Variants in SUPT3H observed in about 807,000 individuals in gnomAD.
SUPT3H encodes the protein SPT3 homolog, SAGA and STAGA complex component.
In SUPT3H, 44 loss-of-function variants were observed where a neutral mutation model predicts 44.3. The observed-to-expected ratio is 0.99, with a 90% CI of 0.78 to 1.28. The LOEUF is 1.28. SUPT3H is among the 50% of genes most tolerant of loss of function. SUPT3H has a pLI of 0.00. For missense variants in SUPT3H, 380 were observed against 387.1 expected, an observed-to-expected ratio of 0.98 and a Z score of 0.15; for synonymous variants, 124 against 125.6, an observed-to-expected ratio of 0.99 and a Z score of 0.09.
intron 3 of SUPT3H, among the ~76,000 whole-genome samples, chr6:45,091,286 T>C (rs1329614354): frequency 6.6e-6 from 1 of 152,032 alleles, no homozygotes; most frequent in African/African-American, 2.4e-5. Flanking sequence ...AAAAGAAGAT[T>C]GTGCTTACCT....
At chr6:44,820,081 T>C (rs1188057989) in intron 11 of SUPT3H, among the ~76,000 whole-genome samples, 2 of 151,550 alleles carry the variant, frequency 1.3e-5, no homozygotes, top group Non-Finnish European at 2.9e-5. Flanking sequence ...TAGCCGGGCA[T>C]GGTGGCATGC....
chr6:45,355,154 T>A (rs13191493), intron 2 of SUPT3H, among the ~76,000 whole-genome samples: 1 of 150,346 alleles, frequency 6.7e-6, no homozygotes. Context: ...TTTTTTTTTT[T>A]AGAGATGGGG....
At chr6:45,061,145 G>A (rs961388090) in intron 3 of SUPT3H, among the ~76,000 whole-genome samples, 7 of 152,096 alleles carry the variant, frequency 4.6e-5, no homozygotes, top group African/African-American at 1.7e-4. Context: ...ATACATGCAT[G>A]TTTATGTTCA....
intron 3 of SUPT3H, among the ~76,000 whole-genome samples, chr6:45,100,859 A>C (rs535806787): frequency 6.6e-6 from 1 of 152,320 alleles, no homozygotes; most frequent in South Asian, 2.1e-4. Flanking sequence ...CCACATACAA[A>C]GGAAAACAGT....
At chr6:45,042,151 G>T (rs546119949) in intron 3 of SUPT3H, among the ~76,000 whole-genome samples, 1 of 152,234 alleles carries the variant, frequency 6.6e-6, no homozygotes, top group East Asian at 1.9e-4. Context: ...GGCTGGGCGT[G>T]GTGGCTCACA....
chr6:45,120,078 A>G (rs1246539684), intron 2 of SUPT3H, among the ~76,000 whole-genome samples: 1 of 152,112 alleles, frequency 6.6e-6, no homozygotes, highest in Non-Finnish European at 1.5e-5. Context: ...CAAGACTTGA[A>G]GAGGTTAACT....
intron 2 of SUPT3H, among the ~76,000 whole-genome samples, chr6:45,229,188 TTTTTAA>T (rs1156411915): frequency 3.9e-5 from 6 of 152,108 alleles, no homozygotes; most frequent in South Asian, 2.1e-4. Flanking sequence ...TGGTTTGGGT[TTTTTAA>T]TTTTATTTTT....
chr6:44,868,846 G>C (rs925638545), intron 10 of SUPT3H, among the ~76,000 whole-genome samples: 1 of 152,174 alleles, frequency 6.6e-6, no homozygotes, highest in African/African-American at 2.4e-5. Context: ...CACAACTGCA[G>C]ACCTCCTGCT....
At chr6:45,160,254 T>G (rs1808716496) in intron 2 of SUPT3H, among the ~76,000 whole-genome samples, 1 of 152,182 alleles carries the variant, frequency 6.6e-6, no homozygotes, top group Non-Finnish European at 1.5e-5. Context: ...GAGGCAGGTC[T>G]TCAAACAAGG....
Position 44,882,955 on chromosome 6 carries a change from A to AT in SUPT3H, c.912+49697dup, listed in dbSNP as rs1298450250. On this transcript the variant is annotated intron_variant, in intron 10 of 10. Transcript: ENST00000371459. ...TACTGAATAGGCAAAAGCTGGAAGC[A>AT]TTCCTTCTTAAAACCAGTGCAAGAC... is the stretch of plus-strand genomic sequence containing the variant. Among the ~76,000 whole-genome samples, 7 of 152,374 alleles carry AT rather than the reference A, an allele frequency of 4.6e-5. No homozygotes were observed. In the South Asian group the frequency reaches 6.2e-4, roughly 14 times the overall value.
chr6:45,310,604 G>T (rs900322477), intron 2 of SUPT3H, among the ~76,000 whole-genome samples: 2 of 152,124 alleles, frequency 1.3e-5, no homozygotes, highest in Non-Finnish European at 2.9e-5. Flanking sequence ...ACATCAGAAG[G>T]ACTGTGCACA....
downstream of SUPT3H, among the ~76,000 whole-genome samples, chr6:44,821,734 A>G (rs957419736): frequency 6.6e-6 from 1 of 152,216 alleles, no homozygotes; most frequent in Admixed American, 6.5e-5. Context: ...AAAAAGTTCC[A>G]GTGATAGTTT....
chr6:44,901,674 G>T (rs368679944), intron 10 of SUPT3H, among the ~76,000 whole-genome samples: 1 of 150,900 alleles, frequency 6.6e-6, no homozygotes, highest in Non-Finnish European at 1.5e-5. Flanking sequence ...TACAGAGAAC[G>T]CCACAAAGAT....
chr6:45,080,954 T>C (rs1562417742), intron 3 of SUPT3H, among the ~76,000 whole-genome samples: 2 of 152,048 alleles, frequency 1.3e-5, no homozygotes, highest in Admixed American at 1.3e-4. Flanking sequence ...GCACAAATGC[T>C]TGAGGTGATG....
intron 2 of SUPT3H, among the ~76,000 whole-genome samples, chr6:45,216,599 A>C (rs1334432714): frequency 6.6e-6 from 1 of 152,184 alleles, no homozygotes; most frequent in Non-Finnish European, 1.5e-5. Context: ...GAAAGTGAAA[A>C]GATGCCAAAG....
At chr6:45,294,526 G>A (rs1780807736) in intron 2 of SUPT3H, among the ~76,000 whole-genome samples, 1 of 151,982 alleles carries the variant, frequency 6.6e-6, no homozygotes, top group Non-Finnish European at 1.5e-5. Context: ...CATCAGTAAA[G>A]AGGAAGTCAA....
intron 10 of SUPT3H, among the ~76,000 whole-genome samples, chr6:44,882,666 A>C (rs1464962264): frequency 6.6e-6 from 1 of 152,210 alleles, no homozygotes. Context: ...ATCCAGCAGC[A>C]CATTAAAAAG....
intron 2 of SUPT3H, among the ~76,000 whole-genome samples, chr6:45,257,120 T>A (rs1773539567): frequency 6.6e-6 from 1 of 152,198 alleles, no homozygotes. Flanking sequence ...GACTTTTTGA[T>A]CCTATCCTAG....
At chr6:45,173,771 T>A (rs1584012347) in intron 2 of SUPT3H, among the ~76,000 whole-genome samples, 1 of 152,230 alleles carries the variant, frequency 6.6e-6, no homozygotes, top group African/African-American at 2.4e-5. Flanking sequence ...TGCAGAGGCA[T>A]TAACACTTCT....
Sources: gnomAD v4.1 joint callset for allele counts (sites outside exome capture counted in the v4.1 genomes callset) on GRCh38, gnomAD v4.1.1 for gene constraint, MANE v1.5 for transcripts, NCBI Gene and HGNC (gene_info 2026-07-23, HGNC 2026-07-21) for gene names.